Variants in KAZN observed in about 807,000 individuals in gnomAD.
KAZN encodes the protein kazrin.
Under a neutral mutation model 87.4 loss-of-function variants are expected in KAZN, and 40 were observed. The ratio of observed to expected loss-of-function variants is 0.46; its 90% CI spans 0.36 to 0.60. The LOEUF is 0.60. Ranked by LOEUF, KAZN falls within the 20% of genes least tolerant of loss-of-function variation. The pLI is 0.00. For missense variants in KAZN, 898 were observed against 1,073.9 expected, an observed-to-expected ratio of 0.84 and a Z score of 2.29; for synonymous variants, 466 against 458.3, an observed-to-expected ratio of 1.02 and a Z score of -0.22.
chr1:15,109,961 A>ATGTGTGTT (rs1326434874), intron 13 of KAZN, among the ~76,000 whole-genome samples: 1 of 137,050 alleles, frequency 7.3e-6, no homozygotes, highest in Non-Finnish European at 1.6e-5. Flanking sequence ...GTGTTTGTAT[A>ATGTGTGTT]TGTGTGTTTG....
chr1:14,944,981 A>G (rs1282279185), intron 1 of KAZN, among the ~76,000 whole-genome samples: 3 of 152,176 alleles, frequency 2.0e-5, no homozygotes, highest in Non-Finnish European at 2.9e-5. Context: ...CCTGCCACAC[A>G]TTCAGAACAG....
At chr1:14,027,090 G>A (rs1376699718) in intron 1 of KAZN, among the ~76,000 whole-genome samples, 1 of 152,186 alleles carries the variant, frequency 6.6e-6, no homozygotes, top group Non-Finnish European at 1.5e-5. Flanking sequence ...CTTCTCCTAA[G>A]GTAAACACTT....
At chr1:15,097,333 G>A (rs1055646807) in intron 10 of KAZN, among the ~76,000 whole-genome samples, 1 of 152,000 alleles carries the variant, frequency 6.6e-6, no homozygotes, top group Non-Finnish European at 1.5e-5. Context: ...GTTCATCTTC[G>A]AGAACATTTT....
At chr1:13,999,116 G>A (rs562721047) in intron 1 of KAZN, among the ~76,000 whole-genome samples, 114 of 152,258 alleles carry the variant, frequency 7.5e-4, no homozygotes, top group African/African-American at 2.4e-3. Flanking sequence ...TTGGGAGGCC[G>A]AGGCAGGTGG....
chr1:14,062,255 G>C (rs908231471), intron 1 of KAZN, among the ~76,000 whole-genome samples: 3 of 152,310 alleles, frequency 2.0e-5, no homozygotes, highest in East Asian at 3.9e-4. Context: ...CGACGGGACA[G>C]AGTCAAGAGG....
At chr1:14,431,649 G>C (rs979327256) in intron 2 of KAZN, among the ~76,000 whole-genome samples, 1 of 152,156 alleles carries the variant, frequency 6.6e-6, no homozygotes, top group Admixed American at 6.5e-5. Flanking sequence ...GAAGAAGATG[G>C]AATAACCTTG....
intron 2 of KAZN, among the ~76,000 whole-genome samples, chr1:15,002,026 G>A (rs377216991): frequency 9.2e-5 from 14 of 151,790 alleles, no homozygotes; most frequent in African/African-American, 2.4e-4. Context: ...GACTACAGGC[G>A]CCCGCCACCA....
chr1:14,792,789 G>A (rs1050898020), intron 1 of KAZN, among the ~76,000 whole-genome samples: 9 of 152,016 alleles, frequency 5.9e-5, no homozygotes, highest in Non-Finnish European at 1.0e-4. Flanking sequence ...TATCCTGGCC[G>A]ACATGGTGAA....
intron 1 of KAZN, among the ~76,000 whole-genome samples, chr1:14,669,060 C>G (rs909947585): frequency 3.3e-5 from 5 of 152,134 alleles, no homozygotes; most frequent in African/African-American, 1.2e-4. Context: ...CCATTGTTAT[C>G]AAGGTGTTTC....
intron 2 of KAZN, among the ~76,000 whole-genome samples, chr1:14,540,117 G>A (rs1672721802): frequency 6.6e-6 from 1 of 152,206 alleles, no homozygotes; most frequent in Admixed American, 6.5e-5. Flanking sequence ...GTGCTGCTAA[G>A]TGAAATATGA....
At chr1:14,538,408 T>C (rs898423431) in intron 2 of KAZN, among the ~76,000 whole-genome samples, 1 of 152,196 alleles carries the variant, frequency 6.6e-6, no homozygotes, top group South Asian at 2.1e-4. Flanking sequence ...GGGTAATTTA[T>C]AAAGAATAGA....
rs748939443 is a variant in KAZN at position 14,448,854 on chromosome 1, G to A, written c.250-150129G>A. Among the ~76,000 whole-genome samples the A allele has an allele frequency of 1.3e-4, 20 of 152,338 alleles. 1 individual carries two copies. The Middle Eastern group carries it at 0.01, about 78-fold the overall frequency. Reference sequence around the variant, plus strand: ...TTCTCAACCCCCATGACATTCACACGTGACTGATGGGCAAGGTCATGCTTC... The same window carrying A: ...TTCTCAACCCCCATGACATTCACACATGACTGATGGGCAAGGTCATGCTTC... On this transcript the variant is annotated intron_variant, in intron 2 of 16. Transcript: ENST00000636203.
intron 14 of KAZN, 89 bp from the exon 15 acceptor site, chr1:15,114,382 C>A: frequency 9.6e-7 from 1 of 1,036,534 alleles, no homozygotes; most frequent in Non-Finnish European, 1.4e-6. Flanking sequence ...AATCACAGAG[C>A]AATTAGAATT....
intron 2 of KAZN, among the ~76,000 whole-genome samples, chr1:14,312,320 TA>T (rs1169264365): frequency 3.3e-5 from 5 of 152,302 alleles, no homozygotes; most frequent in Non-Finnish European, 7.4e-5. Context: ...TAAATAACAA[TA>T]ATAACAATTA....
At chr1:14,578,501 C>G (rs1476662122) in intron 2 of KAZN, among the ~76,000 whole-genome samples, 1 of 151,866 alleles carries the variant, frequency 6.6e-6, no homozygotes, top group Non-Finnish European at 1.5e-5. Context: ...TTACATAAAC[C>G]CTTGTGATCG....
intron 2 of KAZN, among the ~76,000 whole-genome samples, chr1:14,402,106 C>T: frequency 6.7e-6 from 1 of 150,080 alleles, no homozygotes; most frequent in Admixed American, 6.6e-5. Context: ...AAAAAGAGAA[C>T]ATATATATTT....
chr1:14,232,541 T>G (rs1647963085), intron 2 of KAZN, among the ~76,000 whole-genome samples: 1 of 152,120 alleles, frequency 6.6e-6, no homozygotes, highest in Non-Finnish European at 1.5e-5. Flanking sequence ...TTGTCTATAT[T>G]CTCACTTTGC....
chr1:15,095,069 C>T lies in KAZN; in HGVS notation c.1547+136C>T, dbSNP rs186465389. 27 of 649,360 alleles carry T rather than the reference C, an allele frequency of 4.2e-5. No individual in the cohort carries two copies. In the East Asian group the frequency reaches 6.3e-4, roughly 15 times the overall value. 40.2% of individuals were successfully genotyped at this position (649,360 alleles called of 1,614,324 possible). The stretch of plus-strand genomic sequence containing the variant: ...ACAGCAGGGTGTGACTAAGATGGTC[C>T]GGGGATGCCCCTGATGAGGGGGCTT... On this transcript the variant is annotated intron_variant, in intron 10 of 14. Coordinates refer to ENST00000376030, the MANE Select transcript of KAZN (RefSeq NM_201628.3).
At chr1:14,381,154 G>A (rs985727844) in intron 2 of KAZN, among the ~76,000 whole-genome samples, 7 of 152,088 alleles carry the variant, frequency 4.6e-5, no homozygotes. Context: ...AACTGTAAGA[G>A]TCAAAGAAGC....
Sources: allele counts gnomAD v4.1 joint callset (sites outside exome capture counted in the v4.1 genomes callset), GRCh38; gene constraint gnomAD v4.1.1; transcripts MANE v1.5; gene names NCBI Gene and HGNC (gene_info 2026-07-23, HGNC 2026-07-21).